PARVA: variants seen among roughly 807,000 people sequenced by gnomAD.
PARVA encodes alpha-parvin.
PARVA carries 25 observed loss-of-function variants against 52.6 expected under a neutral mutation model. The observed-to-expected ratio is 0.48, with a 90% confidence interval of 0.35 to 0.66. PARVA has a LOEUF of 0.66. PARVA is among the 30% of genes least tolerant of loss of function. The pLI is 0.01. For synonymous variants in PARVA, 185 were observed against 179.1 expected (o/e 1.03, Z -0.26); for missense variants, 373 against 450.9 (o/e 0.83, Z 1.56).
intron 1 of PARVA, among the ~76,000 whole-genome samples, chr11:12,415,724 G>A (rs1483058342): frequency 6.6e-6 from 1 of 152,202 alleles, no homozygotes; most frequent in Admixed American, 6.5e-5. Flanking sequence ...TGAGCAGTCA[G>A]TAATTCAAAT....
intron 1 of PARVA, among the ~76,000 whole-genome samples, chr11:12,395,921 A>T (rs79065657): frequency 0.02 from 3,077 of 152,366 alleles, 115 homozygotes; most frequent in African/African-American, 0.07. Context: ...TAAGATTTTC[A>T]GTTCACTTTT....
At chr11:12,508,192 A>C (rs1941460789) in intron 6 of PARVA, among the ~76,000 whole-genome samples, 2 of 146,310 alleles carry the variant, frequency 1.4e-5, no homozygotes, top group South Asian at 4.5e-4. Context: ...CCAGCCCCCC[A>C]GTTAAATGTG....
chr11:12,494,508 T>C (rs529327848), intron 4 of PARVA, among the ~76,000 whole-genome samples: 1 of 152,250 alleles, frequency 6.6e-6, no homozygotes, highest in South Asian at 2.1e-4. Flanking sequence ...ATTTCAGAGC[T>C]TTTTCAGGAA....
At chr11:12,474,093 C>A in intron 3 of PARVA, 110 bp downstream of exon 3, 1 of 826,822 alleles carries the variant, frequency 1.2e-6, no homozygotes, top group South Asian at 1.5e-5. Context: ...GGTAAAAAGT[C>A]ATGGCAGCCC....
At chr11:12,513,566 T>G in intron 9 of PARVA, 1 of 692,384 alleles carries the variant, frequency 1.4e-6, no homozygotes, top group Non-Finnish European at 2.7e-6. Context: ...TCCATCAGCA[T>G]GAACAGCCTG....
chr11:12,508,536 C>T, intron 6 of PARVA, 48 bp from the exon 7 acceptor site: 1 of 1,305,346 alleles, frequency 7.7e-7, no homozygotes, highest in Non-Finnish European at 1.1e-6. Context: ...TTTTCTAAAG[C>T]ATAGTTTTCT....
rs1444003921 is a variant in PARVA at position 12,535,244 on chromosome 11, G to C, written c.*7319G>C. Among the ~76,000 whole-genome samples, 1 of 152,202 alleles carries C rather than the reference G, an allele frequency of 6.6e-6. No individual in the cohort carries two copies. The highest frequency in any genetic ancestry group is 1.5e-5 in the Non-Finnish European group (1 of 68,036). On this transcript the variant is annotated 3_prime_UTR_variant, in exon 13 of 13. Transcript: ENST00000334956. ...TGAGGGAGACCAAGCTCACCACCAA[G>C]GGCTTTTGCCAGATTGCTTTCATTT...
chr11:12,490,979 T>C (rs1363534511), intron 4 of PARVA, among the ~76,000 whole-genome samples: 1 of 150,360 alleles, frequency 6.7e-6, no homozygotes, highest in East Asian at 2.0e-4. Context: ...GGGGAGAAAA[T>C]GGAATGAGAA....
chr11:12,448,768 G>C (rs571206588), intron 1 of PARVA, among the ~76,000 whole-genome samples: 15 of 152,290 alleles, frequency 9.8e-5, no homozygotes, highest in African/African-American at 3.4e-4. Flanking sequence ...ACAGCTGGAA[G>C]CCAGGGATCA....
intron 10 of PARVA, 58 bp from the exon 11 acceptor site, chr11:12,517,552 G>A: frequency 7.8e-7 from 1 of 1,281,662 alleles, no homozygotes; most frequent in Non-Finnish European, 1.1e-6. Flanking sequence ...TGGGCCCCCT[G>A]GATGGGGATT....
chr11:12,470,406 G>T (rs1326970205), intron 1 of PARVA, among the ~76,000 whole-genome samples: 1 of 152,156 alleles, frequency 6.6e-6, no homozygotes, highest in Non-Finnish European at 1.5e-5. Flanking sequence ...ACCCTTGGAG[G>T]TCGGCAATAT....
intron 4 of PARVA, among the ~76,000 whole-genome samples, chr11:12,488,825 C>T (rs547731832): frequency 6.6e-6 from 1 of 151,904 alleles, no homozygotes; most frequent in South Asian, 2.1e-4. Context: ...CACTAGTGCC[C>T]CAAGACAGAA....
At chr11:12,470,600 CCTTACAAAA>C (rs1940920063) in intron 1 of PARVA, among the ~76,000 whole-genome samples, 1 of 152,116 alleles carries the variant, frequency 6.6e-6, no homozygotes, top group South Asian at 2.1e-4. Context: ...TAGTGCCAGT[CCTTACAAAA>C]CTTACATTCT....
chr11:12,473,450 G>A (rs896871278), intron 1 of PARVA, among the ~76,000 whole-genome samples: 4 of 152,132 alleles, frequency 2.6e-5, no homozygotes, highest in East Asian at 1.9e-4. Flanking sequence ...TGCCCACCTC[G>A]CTTCCATTCA....
At chr11:12,458,367 A>G (rs949906581) in intron 1 of PARVA, among the ~76,000 whole-genome samples, 5 of 152,218 alleles carry the variant, frequency 3.3e-5, no homozygotes, top group African/African-American at 1.2e-4. Flanking sequence ...ACCAGACCTG[A>G]GCCAGGCTAG....
intron 1 of PARVA, among the ~76,000 whole-genome samples, chr11:12,472,273 T>C (rs1015395328): frequency 6.6e-6 from 1 of 152,186 alleles, no homozygotes; most frequent in Admixed American, 6.5e-5. Flanking sequence ...AGTTTATGAA[T>C]TTGTGTTGGG....
intron 9 of PARVA, 52 bp downstream of exon 9, chr11:12,513,412 A>C (rs768306250): frequency 6.6e-7 from 1 of 1,525,084 alleles, no homozygotes; most frequent in Non-Finnish European, 9.1e-7. Flanking sequence ...GCAACAGAAC[A>C]TTGGGAAAAC....
chr11:12,449,678 C>T (rs531674167), intron 1 of PARVA, among the ~76,000 whole-genome samples: 14 of 152,276 alleles, frequency 9.2e-5, no homozygotes, highest in East Asian at 7.7e-4. Flanking sequence ...GCCTCTCCTC[C>T]GGGGAACACT....
intron 1 of PARVA, among the ~76,000 whole-genome samples, chr11:12,471,278 T>C (rs1940930389): frequency 1.3e-5 from 2 of 152,186 alleles, no homozygotes; most frequent in African/African-American, 4.8e-5. Context: ...GTGATTAGAT[T>C]CATAAGCTTG....
Sources: gnomAD v4.1 joint callset for allele counts (sites outside exome capture counted in the v4.1 genomes callset) on GRCh38, gnomAD v4.1.1 for gene constraint, MANE v1.5 for transcripts, NCBI Gene and HGNC (gene_info 2026-07-23, HGNC 2026-07-21) for gene names.